PRKN: variants seen among roughly 807,000 people sequenced by gnomAD.
The protein encoded by PRKN is E3 ubiquitin-protein ligase parkin.
In PRKN, 56 loss-of-function variants were observed where a neutral mutation model predicts 59.5. The ratio of observed to expected loss-of-function variants is 0.94; its 90% CI spans 0.76 to 1.18. PRKN has a LOEUF of 1.18. Among genes scored for constraint, PRKN ranks in the 50% most tolerant of loss-of-function variants. The probability of loss-of-function intolerance (pLI) is 0.00; values close to 1 mark genes in which losing one functional copy is unlikely to be tolerated. For missense variants in PRKN, 657 were observed against 596.4 expected, an observed-to-expected ratio of 1.10 and a Z score of -1.06; for synonymous variants, 250 against 222.1, an observed-to-expected ratio of 1.13 and a Z score of -1.12.
chr6:161,567,249 T>C (rs1437016575), intron 8 of PRKN, among the ~76,000 whole-genome samples: 1 of 152,070 alleles, frequency 6.6e-6, no homozygotes, highest in Non-Finnish European at 1.5e-5. Flanking sequence ...TATTTCACTA[T>C]GTTGGCCAGG....
chr6:161,710,922 C>T (rs1786722749), intron 7 of PRKN, among the ~76,000 whole-genome samples: 1 of 103,196 alleles, frequency 9.7e-6, no homozygotes, highest in African/African-American at 4.7e-5. Flanking sequence ...TCCTTCCTTC[C>T]TCACCCCTTC....
chr6:161,731,004 A>G (rs1248999625), intron 7 of PRKN, among the ~76,000 whole-genome samples: 1 of 151,700 alleles, frequency 6.6e-6, no homozygotes, highest in Non-Finnish European at 1.5e-5. Flanking sequence ...GATGTGTTGC[A>G]TTCTGAAGTG....
At chr6:161,403,339 T>C (rs1787129128) in intron 9 of PRKN, among the ~76,000 whole-genome samples, 1 of 152,178 alleles carries the variant, frequency 6.6e-6, no homozygotes, top group African/African-American at 2.4e-5. Flanking sequence ...AAAAGCCAGA[T>C]TGTTTTGATA....
At chr6:162,385,138 A>T (rs1786732787) in intron 2 of PRKN, among the ~76,000 whole-genome samples, 1 of 152,198 alleles carries the variant, frequency 6.6e-6, no homozygotes, top group Non-Finnish European at 1.5e-5. Flanking sequence ...CCATCAAGAT[A>T]CTTATGGAAC....
chr6:162,431,254 T>C (rs1789513630), intron 2 of PRKN, among the ~76,000 whole-genome samples: 1 of 119,686 alleles, frequency 8.4e-6, no homozygotes, highest in Non-Finnish European at 1.7e-5. Context: ...GGTGAATGGA[T>C]AGTAATTGAG....
intron 1 of PRKN, among the ~76,000 whole-genome samples, chr6:162,471,187 T>A (rs539016371): frequency 3.9e-5 from 6 of 152,164 alleles, no homozygotes; most frequent in African/African-American, 1.4e-4. Flanking sequence ...AACATCCACC[T>A]CCCGGGTTCA....
chr6:162,537,131 C>T lies in PRKN; in HGVS notation c.8-93658G>A, dbSNP rs578141391. Among the ~76,000 whole-genome samples, 40 of 152,312 alleles carry T rather than the reference C, an allele frequency of 2.6e-4. No individual in the cohort carries two copies. In the South Asian group the frequency reaches 7.9e-3, roughly 30 times the overall value. On this transcript the variant is annotated intron_variant, in intron 1 of 11. Coordinates refer to ENST00000366898, the MANE Select transcript of PRKN (RefSeq NM_004562.3). ...CTAGGTACAGAGAAGGCTGAGATGA[C>T]AGCAGTTTCTAGCCCTGGCTGCACA...
chr6:161,843,768 C>T (rs763835179), intron 6 of PRKN, among the ~76,000 whole-genome samples: 7 of 152,188 alleles, frequency 4.6e-5, no homozygotes, highest in Non-Finnish European at 8.8e-5. Context: ...GCAGCCTGGG[C>T]AACAGAGCAA....
chr6:162,010,199 T>G (rs1782437675), intron 5 of PRKN, among the ~76,000 whole-genome samples: 1 of 139,466 alleles, frequency 7.2e-6, no homozygotes, highest in African/African-American at 2.7e-5. Flanking sequence ...GGAACAAATT[T>G]CTGATATATA....
At chr6:162,309,196 T>G (rs1782361736) in intron 2 of PRKN, among the ~76,000 whole-genome samples, 1 of 152,116 alleles carries the variant, frequency 6.6e-6, no homozygotes, top group South Asian at 2.1e-4. Flanking sequence ...AGTCTCACTC[T>G]GTCACCCAGC....
intron 7 of PRKN, among the ~76,000 whole-genome samples, chr6:161,603,709 A>C (rs904035172): frequency 1.3e-5 from 2 of 152,180 alleles, no homozygotes; most frequent in Non-Finnish European, 1.5e-5. Context: ...TTGGGGAAGT[A>C]GCAGATATAT....
At chr6:162,274,808 A>G (rs74298776) in intron 2 of PRKN, among the ~76,000 whole-genome samples, 13,093 of 152,160 alleles carry the variant, frequency 0.086, 1,224 homozygotes, top group East Asian at 0.5. Context: ...GTGGCCAGGC[A>G]CAGTGGCTCA....
chr6:162,288,091 C>T (rs1192088582), intron 2 of PRKN, among the ~76,000 whole-genome samples: 2 of 152,068 alleles, frequency 1.3e-5, no homozygotes, highest in African/African-American at 4.8e-5. Flanking sequence ...GAACTTAAGC[C>T]CCACTGACGG....
At chr6:161,557,561 G>A (rs959982782) in intron 8 of PRKN, among the ~76,000 whole-genome samples, 3 of 152,052 alleles carry the variant, frequency 2.0e-5, no homozygotes, top group Admixed American at 6.6e-5. Flanking sequence ...GAAACCAAGC[G>A]TAAACATCCC....
intron 1 of PRKN, among the ~76,000 whole-genome samples, chr6:162,558,229 G>A (rs1779689829): frequency 6.6e-6 from 1 of 151,866 alleles, no homozygotes; most frequent in African/African-American, 2.4e-5. Flanking sequence ...AAAGAAAGTG[G>A]CATTCATGTT....
At chr6:162,200,985 T>A in intron 4 of PRKN, 146 bp downstream of exon 4, 1 of 897,312 alleles carries the variant, frequency 1.1e-6, no homozygotes, top group Non-Finnish European at 1.8e-6. Context: ...AAACGAAACT[T>A]CGGCTATCAT....
chr6:161,949,057 C>T (rs1032249033), intron 6 of PRKN, among the ~76,000 whole-genome samples: 2 of 152,164 alleles, frequency 1.3e-5, no homozygotes, highest in African/African-American at 4.8e-5. Flanking sequence ...CTGATCAACA[C>T]GTGGGCTCCA....
At chr6:161,439,448 A>C (rs189654444) in intron 9 of PRKN, among the ~76,000 whole-genome samples, 90 of 152,346 alleles carry the variant, frequency 5.9e-4, no homozygotes, top group African/African-American at 2.0e-3. Context: ...ACGAATGCAA[A>C]TAGGCCGGAT....
intron 2 of PRKN, among the ~76,000 whole-genome samples, chr6:162,358,454 AAAT>A (rs1395329718): frequency 2.6e-5 from 4 of 152,134 alleles, no homozygotes; most frequent in Admixed American, 2.6e-4. Flanking sequence ...CTTCTTTTTA[AAAT>A]AATAATTAAA....
Sources: allele counts gnomAD v4.1 joint callset (sites outside exome capture counted in the v4.1 genomes callset), GRCh38; gene constraint gnomAD v4.1.1; transcripts MANE v1.5; gene names NCBI Gene and HGNC (gene_info 2026-07-23, HGNC 2026-07-21).